The following TBC1D9 variants were observed in gnomAD, a reference collection of about 807,000 sequenced individuals.
TBC1D9 encodes the protein TBC1 domain family member 9A.
Under a neutral mutation model 132.0 loss-of-function variants are expected in TBC1D9, and 63 were observed. The observed-to-expected ratio is 0.48, with a 90% CI of 0.39 to 0.59. The LOEUF is 0.59. TBC1D9 is among the 20% of genes least tolerant of loss of function. TBC1D9 has a pLI of 0.00. For synonymous variants in TBC1D9, 610 were observed against 609.9 expected, an observed-to-expected ratio of 1.00 and a Z score of 0.00; for missense variants, 1,261 against 1,592.7, an observed-to-expected ratio of 0.79 and a Z score of 3.54.
intron 1 of TBC1D9, among the ~76,000 whole-genome samples, chr4:140,746,038 C>G (rs1021233051): frequency 2.0e-5 from 3 of 152,190 alleles, no homozygotes; most frequent in African/African-American, 7.2e-5. Context: ...GTCCAATGCT[C>G]TAACTCAGAT....
At chr4:140,719,907 G>C (rs932943766) in intron 1 of TBC1D9, among the ~76,000 whole-genome samples, 1 of 152,194 alleles carries the variant, frequency 6.6e-6, no homozygotes, top group Non-Finnish European at 1.5e-5. Flanking sequence ...TTTGCATTAA[G>C]AACCTGGGTG....
intron 13 of TBC1D9, among the ~76,000 whole-genome samples, chr4:140,652,872 T>G (rs1295183888): frequency 6.6e-6 from 1 of 152,198 alleles, no homozygotes; most frequent in Non-Finnish European, 1.5e-5. Flanking sequence ...CCACATCCTT[T>G]CCCTGCTTAA....
intron 1 of TBC1D9, among the ~76,000 whole-genome samples, chr4:140,749,012 T>C (rs1738881381): frequency 6.6e-6 from 1 of 150,980 alleles, no homozygotes. Context: ...GGGTGGGGAG[T>C]TAAAGTATTC....
intron 2 of TBC1D9, among the ~76,000 whole-genome samples, chr4:140,691,458 C>T (rs1021330355): frequency 4.6e-5 from 7 of 152,280 alleles, no homozygotes; most frequent in African/African-American, 1.2e-4. Flanking sequence ...TGACAAGGAA[C>T]TGATCTATTT....
chr4:140,669,164 G>A, intron 8 of TBC1D9, 97 bp from the exon 9 acceptor site: 1 of 1,222,954 alleles, frequency 8.2e-7, no homozygotes, highest in Non-Finnish European at 1.1e-6. Flanking sequence ...GCTGAACGGA[G>A]TGACAATTCC....
chr4:140,622,364 A>G lies in TBC1D9; in HGVS notation c.3632T>C (p.Ile1211Thr). The G allele has an allele frequency of 6.2e-7, 1 of 1,613,476 alleles. No homozygotes were observed. Among genetic ancestry groups the G allele is most frequent in the South Asian group, 1.1e-5 (1 of 91,068 alleles). The part of the protein sequence containing the change: ...RSTSLDRDWA[I>T]TFEQFLASLL... ...GGAGGCCAGGAACTGCTCGAAGGTG[A>G]TGGCCCAGTCCCGGTCCAGGCTGGT... Residue 1211 changes from isoleucine (I) to threonine (T), a missense_variant, in exon 21 of 21, where the codon ATC (isoleucine) becomes ACC (threonine). Ile to Thr is a moderately conservative substitution (Grantham distance 89). Coordinates refer to ENST00000442267, the MANE Select transcript of TBC1D9 (RefSeq NM_015130.3).
intron 13 of TBC1D9, chr4:140,642,756 C>T: frequency 1.5e-6 from 1 of 648,088 alleles, no homozygotes; most frequent in Non-Finnish European, 2.7e-6. Context: ...AGCTCATAGT[C>T]ATCTGATGTC....
chr4:140,644,066 G>A, intron 13 of TBC1D9: 1 of 429,652 alleles, frequency 2.3e-6, no homozygotes, highest in Admixed American at 3.2e-5. Context: ...TCAGGCGCTT[G>A]GTCCCATCAG....
intron 9 of TBC1D9, 133 bp downstream of exon 9, chr4:140,668,784 G>A: frequency 1.1e-6 from 1 of 927,418 alleles, no homozygotes; most frequent in South Asian, 1.8e-5. Context: ...CTCTGGTGAG[G>A]AAACATGATG....
intron 13 of TBC1D9, among the ~76,000 whole-genome samples, chr4:140,648,498 A>G (rs1737137635): frequency 1.4e-5 from 2 of 147,766 alleles, no homozygotes; most frequent in African/African-American, 5.0e-5. Flanking sequence ...TGATCCTCCC[A>G]CCTCAGCCTC....
At chr4:140,642,112 T>A in intron 13 of TBC1D9, 1 of 740,856 alleles carries the variant, frequency 1.3e-6, no homozygotes, top group East Asian at 2.5e-5. Context: ...GCCCTCTTGG[T>A]CAGCTAGGGG....
intron 20 of TBC1D9, among the ~76,000 whole-genome samples, chr4:140,623,836 C>T (rs1040102940): frequency 1.3e-5 from 2 of 152,100 alleles, no homozygotes; most frequent in Non-Finnish European, 2.9e-5. Context: ...GTTTGTCTTT[C>T]GAGTATCTGA....
At chr4:140,732,502 G>A (rs1205407548) in intron 1 of TBC1D9, among the ~76,000 whole-genome samples, 3 of 152,140 alleles carry the variant, frequency 2.0e-5, no homozygotes, top group Non-Finnish European at 4.4e-5. Flanking sequence ...TCCCATTTAG[G>A]ACATTGTTAC....
intron 11 of TBC1D9, among the ~76,000 whole-genome samples, chr4:140,658,357 A>C (rs979936106): frequency 3.3e-5 from 5 of 152,182 alleles, no homozygotes; most frequent in African/African-American, 1.2e-4. Flanking sequence ...TACTGTAGGC[A>C]ACTATAACAT....
chr4:140,673,499 G>A (rs28540345), intron 6 of TBC1D9, among the ~76,000 whole-genome samples: 121,510 of 152,036 alleles, frequency 0.8, 49,354 homozygotes, highest in African/African-American at 0.94. Context: ...TGGATGGTGG[G>A]GGTGCCCCCA....
At chr4:140,639,464 C>A (rs909085895) in intron 13 of TBC1D9, 36 bp from the exon 14 acceptor site, 1 of 1,440,776 alleles carries the variant, frequency 6.9e-7, no homozygotes, top group African/African-American at 1.4e-5. Context: ...CTGAAAAAAT[C>A]TCTTACAGCA....
intron 1 of TBC1D9, among the ~76,000 whole-genome samples, chr4:140,731,447 C>G (rs978805703): frequency 1.3e-5 from 2 of 152,056 alleles, no homozygotes; most frequent in Admixed American, 1.3e-4. Flanking sequence ...ATCCCAGCTA[C>G]TTGGTAAGCT....
At chr4:140,708,844 T>C (rs756644263) in intron 1 of TBC1D9, among the ~76,000 whole-genome samples, 12 of 152,086 alleles carry the variant, frequency 7.9e-5, no homozygotes, top group Non-Finnish European at 1.5e-4. Flanking sequence ...ATGGGTACAA[T>C]GTATTGTTCT....
intron 13 of TBC1D9, among the ~76,000 whole-genome samples, chr4:140,653,217 AT>A (rs761252885): frequency 1.3e-5 from 2 of 152,322 alleles, no homozygotes; most frequent in South Asian, 4.1e-4. Flanking sequence ...TATCAGACTA[AT>A]TTCTAGCAAC....
Sources: allele counts gnomAD v4.1 joint callset (sites outside exome capture counted in the v4.1 genomes callset), GRCh38; gene constraint gnomAD v4.1.1; transcripts MANE v1.5; gene names NCBI Gene and HGNC (gene_info 2026-07-23, HGNC 2026-07-21).